Variants in CDCA7L observed in about 807,000 individuals in gnomAD.
CDCA7L encodes cell division cycle-associated 7-like protein.
A neutral mutation model predicts 57.4 loss-of-function variants in CDCA7L; 44 were observed. The observed-to-expected ratio is 0.77, with a 90% CI of 0.60 to 0.98. CDCA7L has a LOEUF of 0.98. CDCA7L is among the 50% of genes least tolerant of loss of function. The pLI, the probability that CDCA7L is intolerant of heterozygous loss-of-function variation, is 0.00. For missense variants in CDCA7L, 644 were observed against 580.6 expected, an observed-to-expected ratio of 1.11 and a Z score of -1.12; for synonymous variants, 236 against 202.8, an observed-to-expected ratio of 1.16 and a Z score of -1.39.
chr7:21,901,187 G>A lies in CDCA7L; in HGVS notation c.*1135C>T, dbSNP rs182474320. On this transcript the variant is annotated 3_prime_UTR_variant, in exon 10 of 10. Transcript: ENST00000406877. ...GGCCCCAGCTACATCTGGACCTTCA[G>A]GCTGAAGAGCGAAGAGAAGACTGCA... The A allele has an allele frequency of 3.7e-6, 6 of 1,613,922 alleles. No homozygotes were observed. Among genetic ancestry groups the A allele is most frequent in the African/African-American group, 2.7e-5 (2 of 75,046 alleles).
chr7:21,932,996 G>C (rs1321826015), intron 1 of CDCA7L, among the ~76,000 whole-genome samples: 1 of 150,788 alleles, frequency 6.6e-6, no homozygotes, highest in Non-Finnish European at 1.5e-5. Context: ...GTGGGCGAAA[G>C]ATATGATACT....
chr7:21,944,449 C>CAAAAAAAAAAAAAAAAAAAAAA (rs59373889), intron 1 of CDCA7L, among the ~76,000 whole-genome samples: 4 of 61,632 alleles, frequency 6.5e-5, no homozygotes, highest in African/African-American at 3.6e-4. Context: ...ACTCCGTCTC[C>CAAAAAAAAAAAAAAAAAAAAAA]AAAAAAAAAA....
chr7:21,943,797 T>A (rs1449553452), intron 1 of CDCA7L, among the ~76,000 whole-genome samples: 2 of 152,006 alleles, frequency 1.3e-5, no homozygotes, highest in African/African-American at 4.8e-5. Context: ...ATGGATCGGA[T>A]ATAATTTGTG....
In CDCA7L at chr7:21,902,307, C is replaced by G. The variant is rs1285654008; in HGVS notation, c.*15G>C. On this transcript the variant is annotated 3_prime_UTR_variant, in exon 10 of 10. Transcript: ENST00000406877. ...GTACTCTATGGTGAGGTGGCTGGTT[C>G]TGTTTGTTTTCCTCTTAATTGTCTT... The G allele has an allele frequency of 4.3e-6, 7 of 1,613,662 alleles. No individual in the cohort carries two copies. The highest frequency in any genetic ancestry group is 5.1e-6 in the Non-Finnish European group (6 of 1,179,586).
chr7:21,904,174 T>C lies in CDCA7L; in HGVS notation c.1133A>G (p.Gln378Arg). ...GTTCCGCAGGCATGGTCCACAGAAC[T>C]GTCCTCGCACACCACAGCAACCCTG... Reference protein sequence around the residue: ...RNQGCCGVRGQFCGPCLRNRY... With the variant: ...RNQGCCGVRGRFCGPCLRNRY... The change falls in exon 8 of 10, where the codon CAG becomes CGG. Residue 378 changes from glutamine (Q) to arginine (R), a missense_variant. Physicochemically the swap from Gln to Arg is conservative, Grantham distance 43. Coordinates refer to ENST00000406877, the MANE Select transcript of CDCA7L (RefSeq NM_018719.5). 3 of 1,613,790 alleles carry C rather than the reference T, an allele frequency of 1.9e-6. No homozygotes were observed. The highest frequency in any genetic ancestry group is 2.5e-6 in the Non-Finnish European group (3 of 1,179,854).
In CDCA7L at chr7:21,902,958, G is replaced by A. The variant is rs936582089; in HGVS notation, c.1334+20C>T. 5.6e-6 allele frequency: 9 copies of A among 1,607,708 alleles called. No individual in the cohort carries two copies. The highest frequency in any genetic ancestry group is 7.7e-6 in the Non-Finnish European group (9 of 1,175,826). ...CTCAAGATTTCAAGCTGTTTTGTAA[G>A]CTGCTAGAGACTTACTTACCTCTCC... On this transcript the variant is annotated intron_variant, in intron 9 of 9. Coordinates refer to ENST00000406877, the MANE Select transcript of CDCA7L (RefSeq NM_018719.5).
At chr7:21,943,207 A>G (rs1472523256) in intron 1 of CDCA7L, among the ~76,000 whole-genome samples, 1 of 152,238 alleles carries the variant, frequency 6.6e-6, no homozygotes, top group Non-Finnish European at 1.5e-5. Flanking sequence ...GCACGACAAG[A>G]CTACAGCCTG....
chr7:21,912,192 G>T (rs1785351223), intron 2 of CDCA7L, among the ~76,000 whole-genome samples: 1 of 152,080 alleles, frequency 6.6e-6, no homozygotes, highest in Non-Finnish European at 1.5e-5. Context: ...ACCCTGGGAG[G>T]TCGAGGCTGC....
intron 3 of CDCA7L, among the ~76,000 whole-genome samples, chr7:21,911,072 C>G (rs2128059720): frequency 8.4e-6 from 1 of 119,570 alleles, no homozygotes; most frequent in East Asian, 3.0e-4. Flanking sequence ...CTCTGTCACC[C>G]AGGCTGGAGT....
Position 21,902,204 on chromosome 7 carries a change from C to G in CDCA7L, c.*118G>C. On this transcript the variant is annotated 3_prime_UTR_variant, in exon 10 of 10. Transcript: ENST00000406877. ...AATCTTTAACAAAAAATAGTAATTT[C>G]TACAAAGAATTTCTGTATAAAAACA... 1.0e-6 allele frequency: 1 copy of G among 983,406 alleles called. No individual in the cohort carries two copies. Among genetic ancestry groups the G allele is most frequent in the Middle Eastern group, 2.1e-4 (1 of 4,730 alleles). The allele number at this position is 983,406 out of a possible 1,614,324, so 60.9% of individuals were successfully genotyped here.
chr7:21,929,302 G>A (rs562444859), intron 1 of CDCA7L, among the ~76,000 whole-genome samples: 1 of 152,232 alleles, frequency 6.6e-6, no homozygotes, highest in African/African-American at 2.4e-5. Flanking sequence ...GTTCCTGAAG[G>A]AAGCACTAAA....
Position 21,908,191 on chromosome 7 carries a change from C to T in CDCA7L, c.620G>A (p.Ser207Asn). 6.2e-7 allele frequency: 1 copy of T among 1,607,606 alleles called. No homozygotes were observed. ...CAGCAAAGCATCTGAACTCTCCTGG[C>T]TCTCATCCCGAGAGTCATCCTCAGA... ...SESEDDSRDE[S>N]QESSDALLKR... Residue 207 changes from serine to asparagine, a missense_variant, in exon 4 of 10, where the codon AGC becomes AAC. By Grantham distance (46) the Ser-to-Asn change is conservative. Coordinates refer to ENST00000406877, the MANE Select transcript of CDCA7L (RefSeq NM_018719.5).
Sources: gnomAD v4.1 joint callset for allele counts (sites outside exome capture counted in the v4.1 genomes callset) on GRCh38, gnomAD v4.1.1 for gene constraint, MANE v1.5 for transcripts, NCBI Gene and HGNC (gene_info 2026-07-23, HGNC 2026-07-21) for gene names.